The following TP63 variants were observed in gnomAD, a reference collection of about 807,000 sequenced individuals.
TP63 encodes tumor protein p63, also known as tumor protein 63.
TP63 carries 17 observed loss-of-function variants against 82.8 expected under a neutral mutation model. That is an observed-to-expected ratio of 0.21 (90% CI 0.14 to 0.31). The LOEUF (loss-of-function observed/expected upper bound fraction) is 0.31, where lower values mean the gene tolerates loss of function less well. Ranked by LOEUF, TP63 falls within the 10% of genes least tolerant of loss-of-function variation. The pLI is 1.00. For synonymous variants in TP63, 330 were observed against 321.7 expected (o/e 1.03, Z -0.28); for missense variants, 648 against 895.3 (o/e 0.72, Z 3.52).
chr3:189,633,669 C>T (rs1729597686), intron 1 of TP63, among the ~76,000 whole-genome samples: 1 of 152,002 alleles, frequency 6.6e-6, no homozygotes, highest in Non-Finnish European at 1.5e-5. Context: ...CAGGGGAGGG[C>T]ATGTTGAGAA....
chr3:189,877,783 A>G (rs1719400883), intron 10 of TP63, among the ~76,000 whole-genome samples: 1 of 152,218 alleles, frequency 6.6e-6, no homozygotes, highest in Non-Finnish European at 1.5e-5. Context: ...TCAGATTTAG[A>G]ACATAGAGCT....
chr3:189,691,650 T>G (rs1410214580), intron 1 of TP63, among the ~76,000 whole-genome samples: 1 of 152,198 alleles, frequency 6.6e-6, no homozygotes, highest in East Asian at 1.9e-4. Flanking sequence ...TCAGTTTTCC[T>G]GTTTAAGCTT....
chr3:189,811,661 A>G (rs1280459518), intron 4 of TP63, among the ~76,000 whole-genome samples: 2 of 152,196 alleles, frequency 1.3e-5, no homozygotes, highest in African/African-American at 4.8e-5. Context: ...TTTTTCATAT[A>G]TTTATCTTAG....
intron 3 of TP63, among the ~76,000 whole-genome samples, chr3:189,791,240 A>G (rs911452166): frequency 2.1e-4 from 32 of 152,152 alleles, no homozygotes; most frequent in African/African-American, 7.2e-4. Context: ...TATTTCACAC[A>G]CAGTATTTAT....
intron 1 of TP63, among the ~76,000 whole-genome samples, chr3:189,697,757 C>T (rs1181580932): frequency 1.3e-5 from 2 of 151,790 alleles, no homozygotes; most frequent in Non-Finnish European, 2.9e-5. Flanking sequence ...GCATATAGAT[C>T]CTGTATTTAT....
chr3:189,880,236 T>C, intron 10 of TP63: 1 of 1,576,054 alleles, frequency 6.3e-7, no homozygotes, highest in Admixed American at 1.7e-5. Context: ...TATGTGAGTG[T>C]GTGTGTGTGT....
intron 1 of TP63, among the ~76,000 whole-genome samples, chr3:189,638,731 A>G (rs2108614083): frequency 1.3e-5 from 2 of 152,244 alleles, no homozygotes; most frequent in Middle Eastern, 3.4e-3. Flanking sequence ...ATAATTCTAG[A>G]CTTTTTGGTG....
intron 1 of TP63, among the ~76,000 whole-genome samples, chr3:189,678,014 A>C (rs1462199489): frequency 2.6e-5 from 4 of 151,920 alleles, no homozygotes; most frequent in Non-Finnish European, 5.9e-5. Context: ...TGTAGGATGC[A>C]TGGTTTGCAA....
At chr3:189,822,967 C>T (rs1728949061) in intron 4 of TP63, among the ~76,000 whole-genome samples, 1 of 152,148 alleles carries the variant, frequency 6.6e-6, no homozygotes, top group Non-Finnish European at 1.5e-5. Flanking sequence ...GAGTGAGACA[C>T]CCTTGACTCA....
chr3:189,864,366 G>A lies in TP63; in HGVS notation c.714G>A (p.Thr238=), dbSNP rs773030906. 2.5e-5 allele frequency: 41 copies of A among 1,613,952 alleles called. No homozygotes were observed. The highest frequency in any genetic ancestry group is 9.3e-5 in the African/African-American group (7 of 74,918). The change falls in exon 5 of 14, where the codon ACG becomes ACA. Residue 238 remains threonine (T), a synonymous_variant. Transcript: ENST00000264731. ...MPVYKKAEHV[T]EVVKRCPNHE... ...TCTACAAAAAAGCTGAGCACGTCAC[G>A]GAGGTGGTGAAGCGGTGCCCCAACC...
intron 1 of TP63, among the ~76,000 whole-genome samples, chr3:189,701,512 GATAT>G (rs1160275146): frequency 3.9e-5 from 4 of 103,216 alleles, no homozygotes; most frequent in Non-Finnish European, 7.4e-5. Context: ...AATGTGAGGA[GATAT>G]ATATACATAT....
intron 3 of TP63, among the ~76,000 whole-genome samples, chr3:189,775,521 C>G (rs893068473): frequency 6.6e-6 from 1 of 152,120 alleles, no homozygotes; most frequent in Non-Finnish European, 1.5e-5. Context: ...TTTTGTCTTT[C>G]TATTTGATTG....
chr3:189,864,663 G>A (rs1297569063), intron 5 of TP63, among the ~76,000 whole-genome samples: 1 of 149,292 alleles, frequency 6.7e-6, no homozygotes, highest in Non-Finnish European at 1.5e-5. Flanking sequence ...TGAACTACTG[G>A]TTATCTTTAC....
intron 3 of TP63, among the ~76,000 whole-genome samples, chr3:189,774,199 G>A (rs574319031): frequency 1.2e-4 from 18 of 152,200 alleles, no homozygotes; most frequent in African/African-American, 4.1e-4. Context: ...TGGGATTACA[G>A]GCGTGAGCCA....
At chr3:189,806,786 A>C (rs772590639) in intron 3 of TP63, among the ~76,000 whole-genome samples, 1 of 152,240 alleles carries the variant, frequency 6.6e-6, no homozygotes, top group South Asian at 2.1e-4. Context: ...ATGCGAATGC[A>C]TGAATGTAAT....
At chr3:189,822,113 G>A (rs1728856471) in intron 4 of TP63, among the ~76,000 whole-genome samples, 1 of 152,156 alleles carries the variant, frequency 6.6e-6, no homozygotes, top group African/African-American at 2.4e-5. Context: ...TTCAAATAGG[G>A]ATGATACTCC....
At chr3:189,634,101 A>G (rs1023453643) in intron 1 of TP63, among the ~76,000 whole-genome samples, 3 of 152,090 alleles carry the variant, frequency 2.0e-5, no homozygotes, top group Admixed American at 1.3e-4. Context: ...TTGATACCTC[A>G]TGAGTAAATG....
rs1446624358 is a variant in TP63, at chr3:189,808,538, G to A, written c.579+12G>A. ...CGGCCACCTGGACGGTAAGAGCAGC[G>A]GGCACGCACATACCTGACCCCCCAA... On this transcript the variant is annotated intron_variant, in intron 4 of 13. Coordinates refer to ENST00000264731, the MANE Select transcript of TP63 (RefSeq NM_003722.5). The A allele has an allele frequency of 2.5e-6, 4 of 1,612,994 alleles. No individual in the cohort carries two copies. Among genetic ancestry groups the A allele is most frequent in the Non-Finnish European group, 3.4e-6 (4 of 1,180,038 alleles).
intron 1 of TP63, among the ~76,000 whole-genome samples, chr3:189,638,227 T>C (rs539212568): frequency 2.0e-5 from 3 of 152,176 alleles, no homozygotes; most frequent in Non-Finnish European, 4.4e-5. Context: ...ATTGTAGATA[T>C]GGACACTAGA....
Sources: allele counts gnomAD v4.1 joint callset (sites outside exome capture counted in the v4.1 genomes callset), GRCh38; gene constraint gnomAD v4.1.1; transcripts MANE v1.5; gene names NCBI Gene and HGNC (gene_info 2026-07-23, HGNC 2026-07-21).